Variants in ABHD15 observed in about 807,000 individuals in gnomAD.
ABHD15 encodes abhydrolase domain containing 15, also known as protein ABHD15.
Under a neutral mutation model 34.4 loss-of-function variants are expected in ABHD15, and 34 were observed. The observed-to-expected ratio is 0.99, with a 90% CI of 0.75 to 1.32. ABHD15 has a LOEUF of 1.32. ABHD15 is among the 40% of genes most tolerant of loss of function. The probability of loss-of-function intolerance (pLI) is 0.00; values close to 1 mark genes in which losing one functional copy is unlikely to be tolerated. For missense variants in ABHD15, 644 were observed against 650.4 expected, an observed-to-expected ratio of 0.99 and a Z score of 0.11; for synonymous variants, 314 against 299.2, an observed-to-expected ratio of 1.05 and a Z score of -0.51.
At position 29,562,866 on chromosome 17, in the gene ABHD15, G is replaced by C. The variant is rs1459031068; in HGVS notation, c.1102C>G (p.His368Asp). The change falls in exon 2 of 2, where the codon CAC (histidine) becomes GAC (aspartate). Residue 368 changes from histidine to aspartate, a missense_variant. Transcript: ENST00000307201. ...ADDPVCGPPD[H>D]TLTTELFHSN... ...TGGAAGAGTTCAGTTGTCAGAGTGT[G>C]GTCTGGGGGTCCACACACGGGGTCG... The C allele has an allele frequency of 6.2e-7, 1 of 1,613,988 alleles. No homozygotes were observed. The highest frequency in any genetic ancestry group is 1.3e-5 in the African/African-American group (1 of 74,918).
Position 29,567,002 on chromosome 17 carries a change from C to T in ABHD15, c.-36G>A. On this transcript the variant is annotated 5_prime_UTR_variant, in exon 1 of 2. Coordinates refer to ENST00000307201, the MANE Select transcript of ABHD15 (RefSeq NM_198147.3). The surrounding 1 kb of genome is among the most constrained non-coding windows in gnomAD (Gnocchi z 6.6). ...GAGAGCCCCGGCGGGCAGCGGGCGG[C>T]GGGGCCGTCTACTCGGCGAGCTCCG... 3.1e-6 allele frequency: 4 copies of T among 1,274,430 alleles called. No individual in the cohort carries two copies. Among genetic ancestry groups the T allele is most frequent in the South Asian group, 2.7e-5 (1 of 36,780 alleles). 78.9% of individuals were successfully genotyped at this position (1,274,430 alleles called of 1,614,324 possible).
At chr17:29,563,627 T>C (rs2032663091) in intron 1 of ABHD15, among the ~76,000 whole-genome samples, 1 of 152,034 alleles carries the variant, frequency 6.6e-6, no homozygotes, top group South Asian at 2.1e-4. Context: ...TTTGGGAGGC[T>C]GAGGCAGGTG....
In ABHD15 at chr17:29,561,757, G is replaced by A. The variant is rs2150788104; in HGVS notation, c.*804C>T. 6.5e-6 allele frequency: 1 copy of A among 152,672 alleles called. No homozygotes were observed. Among genetic ancestry groups the A allele is most frequent in the East Asian group, 1.9e-4 (1 of 5,182 alleles). 9.5% of individuals were successfully genotyped at this position (152,672 alleles called of 1,614,324 possible). On this transcript the variant is annotated 3_prime_UTR_variant, in exon 2 of 2. Coordinates refer to ENST00000307201, the MANE Select transcript of ABHD15 (RefSeq NM_198147.3). ...CTCTCTGGAGTAATCCCCTGAAATG[G>A]TGCCAGAGGGAGCATGTAGGGTAGC... is the stretch of plus-strand genomic sequence containing the variant.
At chr17:29,564,847 A>T (rs950037106) in intron 1 of ABHD15, among the ~76,000 whole-genome samples, 2 of 152,148 alleles carry the variant, frequency 1.3e-5, no homozygotes, top group African/African-American at 4.8e-5. Flanking sequence ...TCTCCTAAGA[A>T]AGCCAGAGTG....
Position 29,562,953 on chromosome 17 carries a change from T to C in ABHD15, c.1015A>G (p.Asn339Asp). Reference sequence around the variant, plus strand: ...TCATCGACATCCCGGAGCGGGTCGTTGCGGTCCCAGTAGGTATCCCAGCTG... The same window carrying C: ...TCATCGACATCCCGGAGCGGGTCGTCGCGGTCCCAGTAGGTATCCCAGCTG... ...PISWDTYWDRNDPLRDVDEAA... is the reference protein window; with the variant it reads ...PISWDTYWDRDDPLRDVDEAA... The change falls in exon 2 of 2, where the codon AAC (asparagine) becomes GAC (aspartate). Residue 339 changes from asparagine (N) to aspartate (D), a missense_variant. Physicochemically the swap from Asn to Asp is conservative, Grantham distance 23. Transcript: ENST00000307201. 6.2e-7 allele frequency: 1 copy of C among 1,614,040 alleles called. No homozygotes were observed. Among genetic ancestry groups the C allele is most frequent in the East Asian group, 2.2e-5 (1 of 44,880 alleles).
chr17:29,566,135 A>T lies in ABHD15; in HGVS notation c.832T>A (p.Trp278Arg). The T allele has an allele frequency of 6.3e-7, 1 of 1,581,634 alleles. No homozygotes were observed. Among genetic ancestry groups the T allele is most frequent in the Non-Finnish European group, 8.6e-7 (1 of 1,160,756 alleles). The stretch of plus-strand genomic sequence containing the variant: ...AGCAGAAAGCCCCGCTCGTAGGGCC[A>T]GGGCAGGCCGGCCTCGAACCACTCT... ...CREWFEAGLP[W>R]PYERGFLLHQ... is the part of the protein sequence containing the mutation. The change falls in exon 1 of 2, where the codon TGG (tryptophan) becomes AGG (arginine). Residue 278 changes from tryptophan (W) to arginine (R), a missense_variant. Transcript: ENST00000307201.
rs989211505 is a variant in ABHD15, at chr17:29,562,999, G to A, written c.969C>T (p.Cys323=). The change falls in exon 2 of 2, where the codon TGC becomes TGT. Residue 323 remains cysteine, a synonymous_variant. Transcript: ENST00000307201. ...SLREFEEALF[C]HTKSFPISWD... Reference sequence around the variant, plus strand: ...AGCTGATGGGGAAGCTTTTGGTGTGGCAGAAGAGAGCCTCCTCAAACTCTC... The same window carrying A: ...AGCTGATGGGGAAGCTTTTGGTGTGACAGAAGAGAGCCTCCTCAAACTCTC... The A allele has an allele frequency of 3.1e-6, 5 of 1,613,586 alleles. No individual in the cohort carries two copies. Among genetic ancestry groups the A allele is most frequent in the Non-Finnish European group, 2.5e-6 (3 of 1,180,030 alleles).
chr17:29,566,387 G>A lies in ABHD15; in HGVS notation c.580C>T (p.Arg194Cys), dbSNP rs369157808. The change falls in exon 1 of 2, where the codon CGC becomes TGC. Residue 194 changes from arginine (R) to cysteine (C), a missense_variant. By Grantham distance (180) the Arg-to-Cys change is radical. Transcript: ENST00000307201. ...ACCAGTGGGCAACCGTGGTGGCCGCGGCGATGGAAGATGACCGGGTAGTAG... is the reference window on the plus strand; with the variant it reads ...ACCAGTGGGCAACCGTGGTGGCCGCAGCGATGGAAGATGACCGGGTAGTAG... ...RGYYPVIFHR[R>C]GHHGCPLVSP... 190 of 1,611,042 alleles carry A rather than the reference G, an allele frequency of 1.2e-4. No individual in the cohort carries two copies. Among genetic ancestry groups the A allele is most frequent in the Non-Finnish European group, 1.5e-4 (174 of 1,178,796 alleles).
At position 29,562,709 on chromosome 17, in the gene ABHD15, C is replaced by T. The variant is rs1053751493; in HGVS notation, c.1259G>A (p.Arg420Gln). The change falls in exon 2 of 2, where the codon CGA (arginine) becomes CAA (glutamine). Residue 420 changes from arginine to glutamine, a missense_variant. Coordinates refer to ENST00000307201, the MANE Select transcript of ABHD15 (RefSeq NM_198147.3). ...ESFRALTEFFRTEERIKGLSR... is the reference protein window; with the variant it reads ...ESFRALTEFFQTEERIKGLSR... ...CAGCCCTTTAATCCTCTCCTCCGTTCGGAAGAACTCAGTCAAGGCCCGGAA... is the reference window on the plus strand; with the variant it reads ...CAGCCCTTTAATCCTCTCCTCCGTTTGGAAGAACTCAGTCAAGGCCCGGAA... The T allele has an allele frequency of 4.3e-5, 70 of 1,614,042 alleles. No homozygotes were observed. Among genetic ancestry groups the T allele is most frequent in the South Asian group, 6.6e-5 (6 of 91,086 alleles).
At chr17:29,563,223 C>T (rs907999474) in intron 1 of ABHD15, 137 bp from the exon 2 acceptor site, 6 of 970,698 alleles carry the variant, frequency 6.2e-6, no homozygotes, top group East Asian at 2.5e-5. Flanking sequence ...TTTAGGGCTT[C>T]GAAAACGTTT....
In ABHD15 at chr17:29,562,315, C is replaced by T; in HGVS notation, c.*246G>A. On this transcript the variant is annotated 3_prime_UTR_variant, in exon 2 of 2. Transcript: ENST00000307201. ...GACAGGTGACAGTGACTGGAACGCGCCGCTGCTGACCGGATGAGTAGGGAT... is the reference window on the plus strand; with the variant it reads ...GACAGGTGACAGTGACTGGAACGCGTCGCTGCTGACCGGATGAGTAGGGAT... The T allele has an allele frequency of 2.4e-6, 1 of 410,020 alleles. No individual in the cohort carries two copies. The highest frequency in any genetic ancestry group is 3.9e-5 in the East Asian group (1 of 25,712). The allele number at this position is 410,020 out of a possible 1,614,324, so 25.4% of individuals were successfully genotyped here. A position where few individuals can be genotyped will look rare whatever the true frequency, so the allele number is the denominator to read the frequency against.
intron 1 of ABHD15, among the ~76,000 whole-genome samples, chr17:29,564,746 C>A (rs1165755925): frequency 6.6e-6 from 1 of 152,090 alleles, no homozygotes; most frequent in East Asian, 1.9e-4. Context: ...CTCAGCTACT[C>A]GGGAGGCTGA....
rs1021673721 is a variant in ABHD15 at position 29,566,940 on chromosome 17, C to G, written c.27G>C (p.Ala9=). ...GAAGGGCGAGCACGGCCAAGATGAG[C>G]GCGAGGGCGGCGCCCCACGGCGGCA... MPPWGAAL[A]LILAVLALLG... Residue 9 remains alanine (A), a synonymous_variant, in exon 1 of 2, where the codon GCG becomes GCC. Transcript: ENST00000307201. 1.4e-6 allele frequency: 2 copies of G among 1,426,468 alleles called. No homozygotes were observed. Among genetic ancestry groups the G allele is most frequent in the South Asian group, 1.4e-5 (1 of 69,036 alleles). The allele number at this position is 1,426,468 out of a possible 1,614,324, so 88.4% of individuals were successfully genotyped here. A position where few individuals can be genotyped will look rare whatever the true frequency, so the allele number is the denominator to read the frequency against.
At chr17:29,565,180 AC>A (rs1210967327) in intron 1 of ABHD15, among the ~76,000 whole-genome samples, 2 of 152,050 alleles carry the variant, frequency 1.3e-5, no homozygotes, top group African/African-American at 4.8e-5. Context: ...AATAGCTTGC[AC>A]CCAGGAGGTG....
intron 1 of ABHD15, among the ~76,000 whole-genome samples, chr17:29,564,072 G>A (rs1426554937): frequency 6.6e-6 from 1 of 152,176 alleles, no homozygotes; most frequent in Non-Finnish European, 1.5e-5. Flanking sequence ...CCTAGGGGCA[G>A]CATTTGACTT....
chr17:29,563,230 G>A (rs577049093), intron 1 of ABHD15, 144 bp from the exon 2 acceptor site: 80 of 924,814 alleles, frequency 8.7e-5, no homozygotes, highest in African/African-American at 5.0e-4. Context: ...CTTCGAAAAC[G>A]TTTAATTTCA....
At position 29,566,799 on chromosome 17, in the gene ABHD15, C is replaced by T; in HGVS notation, c.168G>A (p.Ala56=). ...GCTCGCGCCCGTCGCTGAACTGGTC[C>T]GCCGGGCCTCCGCCGTCCGCCTCCT... ...DGEEADGGGP[A]DQFSDGREPL... The change falls in exon 1 of 2, where the codon GCG becomes GCA. Residue 56 remains alanine (A), a synonymous_variant. Transcript: ENST00000307201. 6 of 1,513,582 alleles carry T rather than the reference C, an allele frequency of 4.0e-6. No homozygotes were observed. The highest frequency in any genetic ancestry group is 4.4e-6 in the Non-Finnish European group (5 of 1,138,596). 93.8% of individuals were successfully genotyped at this position (1,513,582 alleles called of 1,614,324 possible).
chr17:29,563,408 G>C (rs1289461199), intron 1 of ABHD15, among the ~76,000 whole-genome samples: 2 of 149,426 alleles, frequency 1.3e-5, no homozygotes. Context: ...AAAAAAATTA[G>C]CTTGGCATGG....
chr17:29,563,011 C>T lies in ABHD15; in HGVS notation c.957G>A (p.Glu319=). The change falls in exon 2 of 2, where the codon GAG becomes GAA. Residue 319 remains glutamate (E), a synonymous_variant. Transcript: ENST00000307201. ...AGCTTTTGGTGTGGCAGAAGAGAGC[C>T]TCCTCAAACTCTCGAAGGGAACGGC... ...FRSRSLREFE[E]ALFCHTKSFP... is the part of the protein sequence containing the mutation. 1 of 1,613,404 alleles carries T rather than the reference C, an allele frequency of 6.2e-7. No individual in the cohort carries two copies. Among genetic ancestry groups the T allele is most frequent in the Non-Finnish European group, 8.5e-7 (1 of 1,180,026 alleles).
Sources: gnomAD v4.1 joint callset for allele counts (sites outside exome capture counted in the v4.1 genomes callset) on GRCh38, gnomAD v4.1.1 for gene constraint, Gnocchi (gnomAD v3.1) non-coding constraint, MANE v1.5 for transcripts, NCBI Gene and HGNC (gene_info 2026-07-23, HGNC 2026-07-21) for gene names.